The following ERBB4 variants were observed in gnomAD, a reference collection of about 807,000 sequenced individuals.
ERBB4 encodes receptor tyrosine-protein kinase erbB-4.
In ERBB4, 42 loss-of-function variants were observed where a neutral mutation model predicts 158.0. The observed-to-expected ratio is 0.27, with a 90% CI of 0.21 to 0.34. The LOEUF (loss-of-function observed/expected upper bound fraction) is 0.34, where lower values mean the gene tolerates loss of function less well. Ranked by LOEUF, ERBB4 falls within the 10% of genes least tolerant of loss-of-function variation. The pLI is 1.00. For missense variants in ERBB4, 1,333 were observed against 1,624.1 expected (o/e 0.82, Z 3.08); for synonymous variants, 583 against 558.7 (o/e 1.04, Z -0.61).
chr2:212,140,224 A>C (rs2080407373), intron 1 of ERBB4, among the ~76,000 whole-genome samples: 1 of 151,238 alleles, frequency 6.6e-6, no homozygotes, highest in African/African-American at 2.4e-5. Flanking sequence ...AATTCTTTGC[A>C]AAGATACTTT....
intron 19 of ERBB4, among the ~76,000 whole-genome samples, chr2:211,604,319 C>G (rs1005733373): frequency 6.6e-6 from 1 of 152,126 alleles, no homozygotes; most frequent in Non-Finnish European, 1.5e-5. Context: ...TTTCCTGTTT[C>G]TTTAAACAGT....
intron 20 of ERBB4, among the ~76,000 whole-genome samples, chr2:211,504,908 T>C (rs972419955): frequency 2.0e-5 from 3 of 152,006 alleles, no homozygotes; most frequent in South Asian, 2.1e-4. Flanking sequence ...AAAAATAAAA[T>C]AATTTTTAAA....
chr2:211,690,522 C>G (rs1055179056), intron 12 of ERBB4, among the ~76,000 whole-genome samples: 2 of 152,104 alleles, frequency 1.3e-5, no homozygotes, highest in Non-Finnish European at 2.9e-5. Flanking sequence ...GAAACAATAT[C>G]TATTGGAAGA....
intron 22 of ERBB4, among the ~76,000 whole-genome samples, chr2:211,427,174 A>G (rs949172844): frequency 2.1e-4 from 32 of 152,080 alleles, no homozygotes; most frequent in African/African-American, 7.0e-4. Flanking sequence ...ATTTTTTCCT[A>G]GATAAGAATT....
At chr2:211,541,299 G>C (rs537685633) in intron 20 of ERBB4, among the ~76,000 whole-genome samples, 2 of 151,970 alleles carry the variant, frequency 1.3e-5, no homozygotes, top group African/African-American at 4.8e-5. Flanking sequence ...AAATAAATAA[G>C]AAGAAATTGA....
intron 25 of ERBB4, among the ~76,000 whole-genome samples, chr2:211,389,175 A>G (rs2062749557): frequency 1.3e-5 from 2 of 152,078 alleles, no homozygotes; most frequent in South Asian, 4.1e-4. Flanking sequence ...AGCTGGGACT[A>G]CAGGCACCTG....
At chr2:212,311,372 T>C (rs1004497093) in intron 1 of ERBB4, among the ~76,000 whole-genome samples, 2 of 150,548 alleles carry the variant, frequency 1.3e-5, no homozygotes, top group Non-Finnish European at 3.0e-5. Flanking sequence ...GAAACAGATA[T>C]GGAAGAATGA....
At chr2:212,219,599 T>A (rs567525243) in intron 1 of ERBB4, among the ~76,000 whole-genome samples, 2 of 151,406 alleles carry the variant, frequency 1.3e-5, no homozygotes, top group South Asian at 4.2e-4. Context: ...CTAATTATAT[T>A]ATTCATGCTA....
rs959418899 is a variant in ERBB4 at position 212,505,022 on chromosome 2, T to A, written c.82+33427A>T. Among the ~76,000 whole-genome samples, 34 of 152,200 alleles carry A rather than the reference T, an allele frequency of 2.2e-4. 1 individual carries two copies. The highest frequency in any genetic ancestry group is 3.8e-4 in the Non-Finnish European group (26 of 68,024). Reference sequence around the variant, plus strand: ...ATTCTTAGAAAGGGATTTGAAACATTACCAGATAACTCCATTAAACAAATA... The same window carrying A: ...ATTCTTAGAAAGGGATTTGAAACATAACCAGATAACTCCATTAAACAAATA... On this transcript the variant is annotated intron_variant, in intron 1 of 27. Transcript: ENST00000342788.
At chr2:212,167,359 T>C (rs535242858) in intron 1 of ERBB4, among the ~76,000 whole-genome samples, 29 of 152,154 alleles carry the variant, frequency 1.9e-4, no homozygotes, top group Admixed American at 1.5e-3. Context: ...CACTGATCAT[T>C]AGAGAAATGC....
chr2:212,320,783 T>C (rs1199168042), intron 1 of ERBB4, among the ~76,000 whole-genome samples: 3 of 150,288 alleles, frequency 2.0e-5, no homozygotes, highest in Admixed American at 2.0e-4. Context: ...TCATGATTAC[T>C]TGCCCTATAT....
chr2:211,601,391 T>C (rs1022362300), intron 19 of ERBB4, among the ~76,000 whole-genome samples: 3 of 151,748 alleles, frequency 2.0e-5, no homozygotes, highest in Non-Finnish European at 4.4e-5. Flanking sequence ...TGCCATGGGA[T>C]TGGGGGTGGG....
intron 2 of ERBB4, among the ~76,000 whole-genome samples, chr2:212,094,533 G>T (rs2078870838): frequency 6.6e-6 from 1 of 151,110 alleles, no homozygotes; most frequent in East Asian, 1.9e-4. Flanking sequence ...CTAAATTATT[G>T]TGGCATGGCT....
intron 1 of ERBB4, among the ~76,000 whole-genome samples, chr2:212,446,124 C>T (rs528374859): frequency 1.1e-4 from 17 of 152,108 alleles, no homozygotes; most frequent in Admixed American, 3.3e-4. Flanking sequence ...ATAATTATGA[C>T]CTTATTGTCT....
At chr2:212,506,096 A>C (rs1435739920) in intron 1 of ERBB4, among the ~76,000 whole-genome samples, 1 of 148,916 alleles carries the variant, frequency 6.7e-6, no homozygotes, top group African/African-American at 2.4e-5. Flanking sequence ...ACAATATTTC[A>C]AACTTTATTA....
chr2:212,530,219 T>C (rs572441967), intron 1 of ERBB4, among the ~76,000 whole-genome samples: 1 of 152,298 alleles, frequency 6.6e-6, no homozygotes, highest in Admixed American at 6.5e-5. Context: ...ATGATGCTTA[T>C]AAAAATCTTG....
At chr2:211,470,605 G>A (rs1025166000) in intron 20 of ERBB4, among the ~76,000 whole-genome samples, 1 of 152,098 alleles carries the variant, frequency 6.6e-6, no homozygotes, top group African/African-American at 2.4e-5. Context: ...ATGAACATCA[G>A]TGGATTTTAG....
At chr2:212,326,424 T>G (rs976946713) in intron 1 of ERBB4, among the ~76,000 whole-genome samples, 1 of 150,690 alleles carries the variant, frequency 6.6e-6, no homozygotes, top group African/African-American at 2.4e-5. Context: ...AAATAAAAGT[T>G]TATTTTTCTC....
chr2:211,461,290 A>G (rs560449296), intron 20 of ERBB4, among the ~76,000 whole-genome samples: 1 of 152,276 alleles, frequency 6.6e-6, no homozygotes, highest in Non-Finnish European at 1.5e-5. Flanking sequence ...TTACTAGTAG[A>G]TATTTATATT....
Sources: gnomAD v4.1 joint callset for allele counts (sites outside exome capture counted in the v4.1 genomes callset) on GRCh38, gnomAD v4.1.1 for gene constraint, MANE v1.5 for transcripts, NCBI Gene and HGNC (gene_info 2026-07-23, HGNC 2026-07-21) for gene names.